The following PDE10A variants were observed in gnomAD, a reference collection of about 807,000 sequenced individuals.
PDE10A encodes phosphodiesterase 10A.
PDE10A carries 39 observed loss-of-function variants against 97.7 expected under a neutral mutation model. The observed-to-expected ratio is 0.40, with a 90% CI of 0.31 to 0.52. The LOEUF (loss-of-function observed/expected upper bound fraction) is 0.52. PDE10A is among the 20% of genes least tolerant of loss of function. PDE10A has a pLI of 0.56. For synonymous variants in PDE10A, 371 were observed against 376.8 expected, an observed-to-expected ratio of 0.98 and a Z score of 0.18; for missense variants, 731 against 1,047.8, an observed-to-expected ratio of 0.70 and a Z score of 4.17.
intron 3 of PDE10A, among the ~76,000 whole-genome samples, chr6:165,481,129 A>G (rs890473726): frequency 6.6e-6 from 1 of 152,214 alleles, no homozygotes. Context: ...GTAATATTTT[A>G]TGACTCTGCC....
At chr6:165,708,416 T>C (rs1437719838) in intron 1 of PDE10A, among the ~76,000 whole-genome samples, 1 of 151,884 alleles carries the variant, frequency 6.6e-6, no homozygotes, top group Non-Finnish European at 1.5e-5. Flanking sequence ...GGACCCACAT[T>C]TGCATCTTCA....
At chr6:165,770,790 C>A (rs1777985152) in intron 1 of PDE10A, among the ~76,000 whole-genome samples, 1 of 152,192 alleles carries the variant, frequency 6.6e-6, no homozygotes, top group African/African-American at 2.4e-5. Flanking sequence ...CACTCTCGAA[C>A]CATTTGAGGT....
At chr6:165,779,584 T>C (rs78449245) in intron 1 of PDE10A, among the ~76,000 whole-genome samples, 1 of 152,214 alleles carries the variant, frequency 6.6e-6, no homozygotes, top group South Asian at 2.1e-4. Flanking sequence ...AAATGTTACT[T>C]GCTTTTAAAA....
chr6:165,450,428 C>A, intron 3 of PDE10A, 66 bp from the exon 4 acceptor site: 2 of 845,502 alleles, frequency 2.4e-6, no homozygotes, highest in Admixed American at 2.5e-5. Flanking sequence ...ATTCCTTAGT[C>A]TGTAAGACAT....
chr6:165,349,737 A>G (rs1381543053), intron 18 of PDE10A, among the ~76,000 whole-genome samples: 1 of 152,166 alleles, frequency 6.6e-6, no homozygotes, highest in African/African-American at 2.4e-5. Context: ...TGCTCTATGC[A>G]GCCTTGGGAC....
chr6:165,449,061 G>A (rs1791082520), intron 4 of PDE10A, 84 bp from the exon 5 acceptor site: 1 of 916,332 alleles, frequency 1.1e-6, no homozygotes, highest in South Asian at 1.4e-5. Context: ...AGAGGCAGAT[G>A]TGAGTCTTTC....
At chr6:165,973,290 G>T (rs1320491888) in intron 1 of PDE10A, among the ~76,000 whole-genome samples, 1 of 152,002 alleles carries the variant, frequency 6.6e-6, no homozygotes, top group Non-Finnish European at 1.5e-5. Flanking sequence ...ATGGTGGCAG[G>T]TGCCCGTAAT....
chr6:165,701,079 T>G (rs1791558906), intron 1 of PDE10A, among the ~76,000 whole-genome samples: 2 of 152,258 alleles, frequency 1.3e-5, no homozygotes, highest in East Asian at 3.8e-4. Context: ...AGCAACTTAG[T>G]TAAATGCCTA....
chr6:165,770,883 G>A (rs1011704253), intron 1 of PDE10A, among the ~76,000 whole-genome samples: 4 of 152,190 alleles, frequency 2.6e-5, no homozygotes, highest in East Asian at 1.9e-4. Flanking sequence ...CCTTGCACGT[G>A]AGCACACTGC....
intron 1 of PDE10A, among the ~76,000 whole-genome samples, chr6:165,780,117 A>G (rs1312796903): frequency 6.6e-6 from 1 of 152,204 alleles, no homozygotes; most frequent in Non-Finnish European, 1.5e-5. Context: ...TTTGAATTCA[A>G]TTGGCTAATA....
intron 2 of PDE10A, among the ~76,000 whole-genome samples, chr6:165,508,971 T>C (rs1246939785): frequency 1.3e-5 from 2 of 152,010 alleles, no homozygotes; most frequent in African/African-American, 4.8e-5. Context: ...AGCGATGTGC[T>C]TCCCATCTTC....
chr6:165,425,462 C>T (rs572557014), intron 10 of PDE10A, among the ~76,000 whole-genome samples: 2 of 151,966 alleles, frequency 1.3e-5, no homozygotes, highest in African/African-American at 4.8e-5. Flanking sequence ...TACACTGATG[C>T]ACAAAAATTG....
At chr6:165,566,132 G>A (rs912906584) in intron 1 of PDE10A, among the ~76,000 whole-genome samples, 6 of 152,038 alleles carry the variant, frequency 3.9e-5, no homozygotes, top group African/African-American at 1.4e-4. Context: ...ACTGCCAAGA[G>A]AATAAAAAGA....
At chr6:165,724,283 T>C (rs1792237105) in intron 1 of PDE10A, among the ~76,000 whole-genome samples, 1 of 152,244 alleles carries the variant, frequency 6.6e-6, no homozygotes. Flanking sequence ...ATTTTTTACC[T>C]ATAACATGAG....
intron 1 of PDE10A, among the ~76,000 whole-genome samples, chr6:165,828,349 C>T (rs6908467): frequency 0.26 from 40,231 of 152,108 alleles, 5,419 homozygotes; most frequent in South Asian, 0.38. Context: ...ATTCAATGCC[C>T]ATTTGAGAAT....
intron 1 of PDE10A, among the ~76,000 whole-genome samples, chr6:165,963,516 T>C (rs910578689): frequency 7.9e-5 from 12 of 152,236 alleles, no homozygotes; most frequent in Non-Finnish European, 1.6e-4. Flanking sequence ...CTTTGGATCA[T>C]AATTTCCTCA....
intron 16 of PDE10A, among the ~76,000 whole-genome samples, chr6:165,389,093 C>T (rs971241385): frequency 1.3e-5 from 2 of 152,066 alleles, no homozygotes; most frequent in African/African-American, 4.8e-5. Context: ...GCAGTAACAA[C>T]ATAAACTTGA....
In PDE10A at chr6:165,662,484, A is replaced by G. The variant is rs1361959880; in HGVS notation, c.328T>C (p.Ser110Pro). The change falls in exon 1 of 22, where the codon TCC (serine) becomes CCC (proline). Residue 110 changes from serine (S) to proline (P), a missense_variant. Transcript: ENST00000539869. ...LALAFSSRVP[S>P]SSPSFFYFWP... is the part of the protein sequence containing the mutation. Reference sequence around the variant, plus strand: ...AAGTAAAAGAAAGATGGAGAGGAGGAGGGGACCCGGGACGAGAAGGCGAGC... The same window carrying G: ...AAGTAAAAGAAAGATGGAGAGGAGGGGGGGACCCGGGACGAGAAGGCGAGC... 1 of 143,996 alleles carries G rather than the reference A, an allele frequency of 6.9e-6. No individual in the cohort carries two copies. The highest frequency in any genetic ancestry group is 1.5e-5 in the Non-Finnish European group (1 of 65,668). The allele number at this position is 143,996 out of a possible 1,614,324, so 8.9% of individuals were successfully genotyped here.
At chr6:165,967,113 T>C (rs1784533318) in intron 1 of PDE10A, among the ~76,000 whole-genome samples, 1 of 152,208 alleles carries the variant, frequency 6.6e-6, no homozygotes, top group South Asian at 2.1e-4. Context: ...AACTGATTCC[T>C]AGAGATGCCC....
Sources: gnomAD v4.1 joint callset for allele counts (sites outside exome capture counted in the v4.1 genomes callset) on GRCh38, gnomAD v4.1.1 for gene constraint, MANE v1.5 for transcripts, NCBI Gene and HGNC (gene_info 2026-07-23, HGNC 2026-07-21) for gene names.